TNRC6B: variants seen among roughly 807,000 people sequenced by gnomAD.
TNRC6B encodes the protein trinucleotide repeat containing adaptor 6B, also known as trinucleotide repeat-containing gene 6B protein.
A neutral mutation model predicts 203.6 loss-of-function variants in TNRC6B; 52 were observed. The observed-to-expected ratio is 0.26, with a 90% CI of 0.20 to 0.32. The LOEUF (loss-of-function observed/expected upper bound fraction) is 0.32. TNRC6B is among the 10% of genes least tolerant of loss of function. The probability of loss-of-function intolerance (pLI) is 1.00; values close to 1 mark genes in which losing one functional copy is unlikely to be tolerated. For synonymous variants in TNRC6B, 838 were observed against 845.7 expected (o/e 0.99, Z 0.16); for missense variants, 1,923 against 2,286.2 (o/e 0.84, Z 3.24).
chr22:40,055,065 C>T (rs2146266020), intron 1 of TNRC6B, among the ~76,000 whole-genome samples: 1 of 152,164 alleles, frequency 6.6e-6, no homozygotes, highest in African/African-American at 2.4e-5. Context: ...TATGCTTGGG[C>T]TTGACATGAT....
At position 40,315,942 on chromosome 22, in the gene TNRC6B, C is replaced by T. The variant is rs1420911424; in HGVS notation, c.4904C>T (p.Ala1635Val). The T allele has an allele frequency of 6.2e-7, 1 of 1,613,278 alleles. No homozygotes were observed. The highest frequency in any genetic ancestry group is 8.5e-7 in the Non-Finnish European group (1 of 1,179,458). Residue 1635 changes from alanine to valine, a missense_variant and splice_region_variant, in exon 21 of 23, where the codon GCC becomes GTC. Ala to Val is a moderately conservative substitution (Grantham distance 64). Around this residue, in one of 8 missense-constraint regions of TNRC6B, gnomAD observed 159 missense variants for 181.0 expected, o/e 0.88. Coordinates refer to ENST00000454349, the MANE Select transcript of TNRC6B (RefSeq NM_001162501.2). Reference protein sequence around the residue: ...WGTQDSRLASASTWSDGGSVR... With the variant: ...WGTQDSRLASVSTWSDGGSVR... ...TAACCATTTTTCTGGTTGCTCATAG[C>T]CTCTACCTGGAGTGATGGTGGCTCA...
chr22:40,161,137 A>G (rs946222464), intron 4 of TNRC6B, among the ~76,000 whole-genome samples: 6 of 152,202 alleles, frequency 3.9e-5, no homozygotes, highest in African/African-American at 1.4e-4. Context: ...TTATATAGCA[A>G]AATCAGCCTT....
chr22:40,240,908 A>G (rs572547529), intron 1 of TNRC6B, among the ~76,000 whole-genome samples: 1 of 152,162 alleles, frequency 6.6e-6, no homozygotes, highest in Non-Finnish European at 1.5e-5. Flanking sequence ...CTGCAGCCTC[A>G]GCTTCCTGGG....
intron 3 of TNRC6B, chr22:40,125,939 C>G (rs755974666): frequency 1.7e-5 from 24 of 1,378,110 alleles, no homozygotes; most frequent in Middle Eastern, 3.7e-4. Context: ...ATGGGTATTT[C>G]ATTTTACATG....
chr22:40,046,340 G>C (rs773675537), intron 1 of TNRC6B, among the ~76,000 whole-genome samples: 1 of 152,240 alleles, frequency 6.6e-6, no homozygotes, highest in Non-Finnish European at 1.5e-5. Context: ...TAGGCAGGTA[G>C]TGGGAGGGCT....
chr22:40,195,991 A>G (rs1298467087), intron 1 of TNRC6B, among the ~76,000 whole-genome samples: 1 of 151,378 alleles, frequency 6.6e-6, no homozygotes, highest in Non-Finnish European at 1.5e-5. Flanking sequence ...GTTAGCCAGT[A>G]TGGTCTCAAT....
intron 3 of TNRC6B, among the ~76,000 whole-genome samples, chr22:40,149,724 A>G (rs2068731109): frequency 6.6e-6 from 1 of 151,404 alleles, no homozygotes. Context: ...GGCATGATGA[A>G]ACTTTTAGGG....
At position 40,300,516 on chromosome 22, in the gene TNRC6B, T is replaced by C; in HGVS notation, c.3770T>C (p.Val1257Ala). Residue 1257 changes from valine to alanine, a missense_variant, in exon 13 of 23, where the codon GTG becomes GCG. This residue lies in a region of TNRC6B where 242 missense variants were observed against 399.5 expected (regional missense o/e 0.61). Transcript: ENST00000454349. ...NSGLSPGLFN[V>A]GPQLSPQQIA... ...GGCCTGAGTCCAGGTCTTTTCAATGTGGGGCCCCAGTTATCTCCTCAACAA... is the reference window on the plus strand; with the variant it reads ...GGCCTGAGTCCAGGTCTTTTCAATGCGGGGCCCCAGTTATCTCCTCAACAA... 1 of 1,613,242 alleles carries C rather than the reference T, an allele frequency of 6.2e-7. No homozygotes were observed.
At chr22:40,269,294 A>G (rs2070526750) in intron 5 of TNRC6B, among the ~76,000 whole-genome samples, 1 of 151,672 alleles carries the variant, frequency 6.6e-6, no homozygotes, top group Non-Finnish European at 1.5e-5. Flanking sequence ...CGTCACGCCC[A>G]GCTAATTTTT....
Position 40,067,810 on chromosome 22 carries a change from A to G in TNRC6B, c.-121+22812A>G, listed in dbSNP as rs144723517. Among the ~76,000 whole-genome samples, 72 of 152,252 alleles carry G rather than the reference A, an allele frequency of 4.7e-4. 1 individual carries two copies. The Middle Eastern group carries it at 0.017, about 36-fold the overall frequency. The stretch of plus-strand genomic sequence containing the variant: ...ATAGTGCCTGCCCACATTGAGGGCA[A>G]TAGTCTCACTCCCCGACTTACCTGT... On this transcript the variant is annotated intron_variant, in intron 1 of 23. Transcript: ENST00000301923.
At chr22:40,106,562 G>T in intron 1 of TNRC6B, 1 of 729,858 alleles carries the variant, frequency 1.4e-6, no homozygotes, top group South Asian at 1.4e-5. Context: ...ATCTGTCAAA[G>T]CAATTCGCTT....
At chr22:40,133,524 A>G (rs1047111538) in intron 3 of TNRC6B, among the ~76,000 whole-genome samples, 2 of 152,196 alleles carry the variant, frequency 1.3e-5, no homozygotes, top group Admixed American at 6.6e-5. Flanking sequence ...GGGCAAAGCA[A>G]TGAATTCTTT....
intron 1 of TNRC6B, among the ~76,000 whole-genome samples, chr22:40,227,427 G>A (rs138044): frequency 0.33 from 45,406 of 139,694 alleles, 8,852 homozygotes; most frequent in East Asian, 0.57. Flanking sequence ...GTGCAGTGGT[G>A]CCATCTTGGC....
chr22:40,190,514 T>G (rs1178813867), intron 1 of TNRC6B, among the ~76,000 whole-genome samples: 2 of 152,252 alleles, frequency 1.3e-5, no homozygotes. Context: ...TTTTAATTTT[T>G]ATGTCCATCA....
At chr22:40,312,355 T>G in intron 17 of TNRC6B, 150 bp from the exon 18 acceptor site, 1 of 881,150 alleles carries the variant, frequency 1.1e-6, no homozygotes, top group Non-Finnish European at 1.7e-6. Flanking sequence ...TCATGGTGAT[T>G]TTTTTTTCCT....
At chr22:40,121,926 T>C (rs2068450474) in intron 2 of TNRC6B, among the ~76,000 whole-genome samples, 1 of 152,188 alleles carries the variant, frequency 6.6e-6, no homozygotes, top group Non-Finnish European at 1.5e-5. Context: ...TGTATAACTA[T>C]AAAAACAACA....
intron 21 of TNRC6B, 130 bp from the exon 22 acceptor site, chr22:40,320,960 T>C (rs1362596102): frequency 3.0e-6 from 3 of 1,013,334 alleles, no homozygotes; most frequent in East Asian, 2.5e-5. Context: ...TGCTTTTGTT[T>C]TGAGCTGCAT....
Position 40,330,840 on chromosome 22 carries a change from A to G in TNRC6B, c.*7599A>G, listed in dbSNP as rs1028459409. ...AGTTCCTCCTGGAAGTCCCAGGAGC[A>G]GCTGTTGAGATTTCATTAGCATCAA... On this transcript the variant is annotated 3_prime_UTR_variant, in exon 23 of 23. Transcript: ENST00000454349. 4 of 152,628 alleles carry G rather than the reference A, an allele frequency of 2.6e-5. No homozygotes were observed. The highest frequency in any genetic ancestry group is 5.9e-5 in the Non-Finnish European group (4 of 68,048). The allele number at this position is 152,628 out of a possible 1,614,324, so 9.5% of individuals were successfully genotyped here. A position where few individuals can be genotyped will look rare whatever the true frequency, so the allele number is the denominator to read the frequency against.
chr22:40,234,254 C>A (rs2069918792), intron 1 of TNRC6B, among the ~76,000 whole-genome samples: 2 of 152,156 alleles, frequency 1.3e-5, no homozygotes, highest in South Asian at 4.1e-4. Context: ...CCATTGCATT[C>A]CTGCGTGATA....
Sources: allele counts gnomAD v4.1 joint callset (sites outside exome capture counted in the v4.1 genomes callset), GRCh38; gene constraint gnomAD v4.1.1; regional missense constraint gnomAD v4.1.1; transcripts MANE v1.5; gene names NCBI Gene and HGNC (gene_info 2026-07-23, HGNC 2026-07-21).